Variants in HPSE2 observed in about 807,000 individuals in gnomAD.
HPSE2 encodes the protein inactive heparanase-2.
A neutral mutation model predicts 60.5 loss-of-function variants in HPSE2; 38 were observed. The ratio of observed to expected loss-of-function variants is 0.63; its 90% CI spans 0.48 to 0.82. HPSE2 has a LOEUF of 0.82. Among genes scored for constraint, HPSE2 ranks in the 40% least tolerant of loss-of-function variants. The pLI, the probability that HPSE2 is intolerant of heterozygous loss-of-function variation, is 0.00. For missense variants in HPSE2, 713 were observed against 740.4 expected (o/e 0.96, Z 0.43); for synonymous variants, 295 against 293.2 (o/e 1.01, Z -0.06).
At chr10:99,122,140 C>A (rs957755208) in intron 3 of HPSE2, among the ~76,000 whole-genome samples, 1 of 151,946 alleles carries the variant, frequency 6.6e-6, no homozygotes, top group Non-Finnish European at 1.5e-5. Context: ...GAAAACCAAT[C>A]AAAATATTTT....
chr10:99,153,582 C>T (rs375398128), intron 2 of HPSE2, among the ~76,000 whole-genome samples: 1 of 151,430 alleles, frequency 6.6e-6, no homozygotes. Flanking sequence ...AAAGGACATC[C>T]ACACCAAAAA....
intron 3 of HPSE2, among the ~76,000 whole-genome samples, chr10:99,069,746 T>C (rs1034567365): frequency 1.2e-4 from 18 of 151,890 alleles, no homozygotes; most frequent in Non-Finnish European, 2.4e-4. Context: ...CTCAGTGTTT[T>C]CATGTATCAT....
intron 3 of HPSE2, among the ~76,000 whole-genome samples, chr10:98,987,063 T>C (rs1457412306): frequency 6.6e-6 from 1 of 151,712 alleles, no homozygotes; most frequent in African/African-American, 2.4e-5. Flanking sequence ...CTACCAGAGG[T>C]ACAAGGAGGA....
chr10:98,858,139 A>G (rs56220031), intron 3 of HPSE2, among the ~76,000 whole-genome samples: 21,466 of 152,218 alleles, frequency 0.14, 2,157 homozygotes, highest in African/African-American at 0.27. Context: ...TAGCTTGCCC[A>G]ATGCTACAAC....
chr10:99,048,321 T>G (rs927464867), intron 3 of HPSE2: 83 of 412,304 alleles, frequency 2.0e-4, no homozygotes, highest in Admixed American at 1.4e-4. Flanking sequence ...ACCCATTTTA[T>G]TTTTCTAAGC....
chr10:98,466,412 G>C (rs993562139), intron 11 of HPSE2, among the ~76,000 whole-genome samples: 4 of 152,066 alleles, frequency 2.6e-5, no homozygotes, highest in Non-Finnish European at 5.9e-5. Context: ...AGGAGTTCGA[G>C]ACCAGCCTGG....
chr10:98,687,409 C>T (rs779117834), intron 6 of HPSE2, among the ~76,000 whole-genome samples: 5 of 152,200 alleles, frequency 3.3e-5, no homozygotes, highest in Non-Finnish European at 7.3e-5. Context: ...TCTATTAAAA[C>T]TCCCTATGCC....
intron 3 of HPSE2, among the ~76,000 whole-genome samples, chr10:98,825,251 T>C (rs1951515724): frequency 1.3e-5 from 2 of 152,006 alleles, no homozygotes; most frequent in African/African-American, 4.8e-5. Context: ...TGAGCTTTCC[T>C]AAAGGAAAAA....
chr10:98,752,984 A>C (rs1949793302), intron 3 of HPSE2, among the ~76,000 whole-genome samples: 1 of 152,202 alleles, frequency 6.6e-6, no homozygotes, highest in Non-Finnish European at 1.5e-5. Flanking sequence ...GTGGAATCTA[A>C]AATAAGTTGA....
intron 3 of HPSE2, among the ~76,000 whole-genome samples, chr10:98,746,959 AAT>A: frequency 6.6e-6 from 1 of 152,066 alleles, no homozygotes. Flanking sequence ...GAACACTGGC[AAT>A]ATTGGATAAT....
chr10:98,511,069 G>T (rs1942374252), intron 9 of HPSE2, among the ~76,000 whole-genome samples: 1 of 151,830 alleles, frequency 6.6e-6, no homozygotes, highest in Non-Finnish European at 1.5e-5. Flanking sequence ...AATATATCTG[G>T]AAACATCTAT....
rs1948933445 is a variant in HPSE2, at chr10:98,721,816, T to C, written c.797A>G (p.Tyr266Cys). ...TACTGCCCGGCCATGCATGGTCCGATAGTTATTTGGCTCTAGATTAAAAGC... is the reference window on the plus strand; with the variant it reads ...TACTGCCCGGCCATGCATGGTCCGACAGTTATTTGGCTCTAGATTAAAAGC... ...SWELGNEPNN[Y>C]RTMHGRAVNG... Residue 266 changes from tyrosine to cysteine, a missense_variant, in exon 5 of 12, where the codon TAT (tyrosine) becomes TGT (cysteine). Physicochemically the swap from Tyr to Cys is radical, Grantham distance 194. Transcript: ENST00000370552. The C allele has an allele frequency of 5.0e-6, 8 of 1,613,388 alleles. No homozygotes were observed. In the South Asian group the frequency reaches 6.6e-5, roughly 13 times the overall value.
chr10:99,000,118 A>T (rs572238981), intron 3 of HPSE2, among the ~76,000 whole-genome samples: 1 of 151,986 alleles, frequency 6.6e-6, no homozygotes, highest in East Asian at 1.9e-4. Flanking sequence ...GAGCAGGGGG[A>T]AAAAAAGGCA....
intron 9 of HPSE2, among the ~76,000 whole-genome samples, chr10:98,607,071 C>T (rs1247631498): frequency 1.4e-5 from 2 of 143,532 alleles, no homozygotes; most frequent in Non-Finnish European, 3.1e-5. Context: ...CCCTCCCTCC[C>T]TCCCTCTCTC....
rs5787301 is a variant in HPSE2, at chr10:98,707,099, G to GAA, written c.957-13154_957-13153dup. ...ATGGGAGGCTTTGAAATGTAGGAAT[G>GAA]AAAAAAAAAAGGCCCACTTTAGAAA... On this transcript the variant is annotated intron_variant, in intron 5 of 11. Coordinates refer to ENST00000370552, the MANE Select transcript of HPSE2 (RefSeq NM_021828.5). 9.9e-4 allele frequency among the ~76,000 whole-genome samples: 146 copies of GAA among 148,050 alleles called. 1 individual carries two copies. Among genetic ancestry groups the GAA allele is most frequent in the South Asian group, 4.1e-3 (19 of 4,682 alleles).
At chr10:99,311,769 G>C in the HPSE2 span, among the ~76,000 whole-genome samples, 1 of 152,194 alleles carries the variant, frequency 6.6e-6, no homozygotes, top group East Asian at 1.9e-4. Flanking sequence ...AAATAATTAA[G>C]CTTAGTGAGG....
intron 8 of HPSE2, among the ~76,000 whole-genome samples, chr10:98,617,733 C>T (rs1398424124): frequency 6.6e-6 from 1 of 152,076 alleles, no homozygotes; most frequent in African/African-American, 2.4e-5. Flanking sequence ...AAGATGCTAC[C>T]CTGCCATTAT....
intron 9 of HPSE2, among the ~76,000 whole-genome samples, chr10:98,508,033 A>G (rs557516440): frequency 2.6e-5 from 4 of 152,338 alleles, no homozygotes; most frequent in African/African-American, 9.6e-5. Flanking sequence ...AAGAGTCATT[A>G]AGAAGGAAGG....
chr10:98,982,124 C>A (rs1956222090), intron 3 of HPSE2, among the ~76,000 whole-genome samples: 1 of 151,856 alleles, frequency 6.6e-6, no homozygotes, highest in Non-Finnish European at 1.5e-5. Context: ...AAAGCCTTGA[C>A]CTCCATCAGA....
Sources: allele counts gnomAD v4.1 joint callset (sites outside exome capture counted in the v4.1 genomes callset), GRCh38; gene constraint gnomAD v4.1.1; transcripts MANE v1.5; gene names NCBI Gene and HGNC (gene_info 2026-07-23, HGNC 2026-07-21).